The following ATRNL1 variants were observed in gnomAD, a reference collection of about 807,000 sequenced individuals.
ATRNL1 encodes attractin like 1.
ATRNL1 carries 95 observed loss-of-function variants against 182.7 expected under a neutral mutation model. The ratio of observed to expected loss-of-function variants is 0.52; its 90% confidence interval spans 0.44 to 0.62. ATRNL1 has a LOEUF of 0.62. Ranked by LOEUF, ATRNL1 falls within the 20% of genes least tolerant of loss-of-function variation. The pLI, the probability that ATRNL1 is intolerant of heterozygous loss-of-function variation, is 0.00. For synonymous variants in ATRNL1, 576 were observed against 568.3 expected, an observed-to-expected ratio of 1.01 and a Z score of -0.19; for missense variants, 1,471 against 1,679.5, an observed-to-expected ratio of 0.88 and a Z score of 2.17.
intron 24 of ATRNL1, among the ~76,000 whole-genome samples, chr10:115,487,270 C>T (rs1849072067): frequency 6.6e-6 from 1 of 151,796 alleles, no homozygotes; most frequent in African/African-American, 2.4e-5. Flanking sequence ...TTTTCCAGTT[C>T]TGTGAAGAAA....
At chr10:115,632,046 A>G (rs558474550) in intron 26 of ATRNL1, among the ~76,000 whole-genome samples, 3 of 152,282 alleles carry the variant, frequency 2.0e-5, no homozygotes, top group South Asian at 2.1e-4. Flanking sequence ...TCTGGGAAGT[A>G]TGGGTTTTAG....
chr10:115,376,112 TTGG>T (rs1564973392), intron 19 of ATRNL1, among the ~76,000 whole-genome samples: 2 of 152,156 alleles, frequency 1.3e-5, no homozygotes, highest in Non-Finnish European at 2.9e-5. Context: ...TGTAAAAGTC[TTGG>T]TGGTGTTTTT....
intron 26 of ATRNL1, among the ~76,000 whole-genome samples, chr10:115,558,202 A>C (rs1853442538): frequency 6.6e-6 from 1 of 152,194 alleles, no homozygotes; most frequent in African/African-American, 2.4e-5. Flanking sequence ...TATTGAACAA[A>C]ATGCACAAAG....
chr10:115,300,064 A>G lies in ATRNL1; in HGVS notation c.2446A>G (p.Ile816Val). The change falls in exon 16 of 29, where the codon ATC (isoleucine) becomes GTC (valine). Residue 816 changes from isoleucine to valine, a missense_variant. This residue lies in a region of ATRNL1 where 1,031 missense variants were observed against 1,156.0 expected (regional missense o/e 0.89). Coordinates refer to ENST00000355044, the MANE Select transcript of ATRNL1 (RefSeq NM_207303.4). ...KVSPWVGLRK[I>V]NISYWGWEDM... The stretch of plus-strand genomic sequence containing the variant: ...ATCACCTTGGGTAGGCTTGCGCAAG[A>G]TCAATATATCCTATTGGGGATGGGA... 1 of 1,613,722 alleles carries G rather than the reference A, an allele frequency of 6.2e-7. No individual in the cohort carries two copies. The highest frequency in any genetic ancestry group is 8.5e-7 in the Non-Finnish European group (1 of 1,179,698).
chr10:115,185,567 A>C (rs1398711069), intron 8 of ATRNL1, among the ~76,000 whole-genome samples: 1 of 152,120 alleles, frequency 6.6e-6, no homozygotes, highest in Non-Finnish European at 1.5e-5. Context: ...CAAATACAGA[A>C]GAAGGGAAGC....
intron 27 of ATRNL1, among the ~76,000 whole-genome samples, chr10:115,784,564 A>G (rs1429866682): frequency 6.6e-6 from 1 of 152,170 alleles, no homozygotes; most frequent in Non-Finnish European, 1.5e-5. Context: ...ATAAAAATGT[A>G]TTCTCTCTCA....
intron 17 of ATRNL1, among the ~76,000 whole-genome samples, chr10:115,302,875 A>G (rs1451476018): frequency 1.5e-5 from 2 of 137,188 alleles, no homozygotes; most frequent in Non-Finnish European, 1.5e-5. Context: ...AAAAGTGCCA[A>G]TCTTAGCTAG....
intron 28 of ATRNL1, among the ~76,000 whole-genome samples, chr10:115,906,005 A>C (rs2134505268): frequency 6.6e-6 from 1 of 152,326 alleles, no homozygotes; most frequent in South Asian, 2.1e-4. Context: ...GGGTTTTCTT[A>C]ATACTATGTA....
intron 24 of ATRNL1, among the ~76,000 whole-genome samples, chr10:115,483,476 T>C (rs1848867912): frequency 6.6e-6 from 1 of 151,546 alleles, no homozygotes; most frequent in Non-Finnish European, 1.5e-5. Flanking sequence ...AGCATACATT[T>C]TATTGGTCAT....
intron 9 of ATRNL1, among the ~76,000 whole-genome samples, chr10:115,238,224 C>G (rs1408541302): frequency 2.0e-5 from 3 of 152,084 alleles, no homozygotes; most frequent in Non-Finnish European, 4.4e-5. Context: ...TATTTTAGGT[C>G]TTTTGCCTTT....
intron 28 of ATRNL1, among the ~76,000 whole-genome samples, chr10:115,896,924 A>C (rs1373681874): frequency 6.6e-6 from 1 of 152,234 alleles, no homozygotes; most frequent in African/African-American, 2.4e-5. Flanking sequence ...GGGAGGACCC[A>C]CAAAGAAAAA....
At chr10:115,940,568 A>G (rs955719713) in intron 28 of ATRNL1, among the ~76,000 whole-genome samples, 2 of 152,182 alleles carry the variant, frequency 1.3e-5, no homozygotes, top group African/African-American at 2.4e-5. Flanking sequence ...GGGAGGTAAT[A>G]CAGTCTTTTT....
intron 19 of ATRNL1, among the ~76,000 whole-genome samples, chr10:115,371,565 G>T (rs1250088682): frequency 6.6e-6 from 1 of 152,170 alleles, no homozygotes; most frequent in Non-Finnish European, 1.5e-5. Flanking sequence ...GGGGCCTGTA[G>T]CCCCTTTGTT....
chr10:115,652,247 A>G (rs1555034548), intron 26 of ATRNL1, among the ~76,000 whole-genome samples: 2 of 151,168 alleles, frequency 1.3e-5, no homozygotes, highest in Middle Eastern at 6.8e-3. Flanking sequence ...TTTTTTTTCC[A>G]TTATACTGAC....
intron 24 of ATRNL1, among the ~76,000 whole-genome samples, chr10:115,469,822 A>G (rs1848221428): frequency 6.7e-6 from 1 of 150,362 alleles, no homozygotes; most frequent in Non-Finnish European, 1.5e-5. Context: ...TTTACATTTC[A>G]TTTTTGTTAT....
At chr10:115,263,964 T>C (rs1014581926) in intron 10 of ATRNL1, among the ~76,000 whole-genome samples, 2 of 151,904 alleles carry the variant, frequency 1.3e-5, no homozygotes, top group African/African-American at 2.4e-5. Flanking sequence ...AGATATACCA[T>C]GTGGACTAAA....
At chr10:115,842,072 TAG>T (rs1285574063) in intron 27 of ATRNL1, among the ~76,000 whole-genome samples, 14 of 152,124 alleles carry the variant, frequency 9.2e-5, no homozygotes, top group Non-Finnish European at 2.1e-4. Context: ...AGTATTTTAG[TAG>T]GGAAATGTTA....
intron 26 of ATRNL1, among the ~76,000 whole-genome samples, chr10:115,652,656 C>T (rs1018087090): frequency 7.2e-5 from 11 of 151,902 alleles, no homozygotes; most frequent in African/African-American, 1.7e-4. Context: ...AGTATATATT[C>T]GAGGTCTCAT....
chr10:115,703,835 T>C (rs1555052343), intron 26 of ATRNL1, among the ~76,000 whole-genome samples: 1 of 151,916 alleles, frequency 6.6e-6, no homozygotes, highest in Admixed American at 6.6e-5. Context: ...TGGAGCTTTC[T>C]GAAGGATAAA....
Sources: gnomAD v4.1 joint callset for allele counts (sites outside exome capture counted in the v4.1 genomes callset) on GRCh38, gnomAD v4.1.1 for gene constraint, gnomAD v4.1.1 regional missense constraint, MANE v1.5 for transcripts, NCBI Gene and HGNC (gene_info 2026-07-23, HGNC 2026-07-21) for gene names.